Variants in DDAH1 observed in about 807,000 individuals in gnomAD.
DDAH1 encodes the protein dimethylarginine dimethylaminohydrolase 1, also known as N(G),N(G)-dimethylarginine dimethylaminohydrolase 1.
A neutral mutation model predicts 28.8 loss-of-function variants in DDAH1; 19 were observed. The ratio of observed to expected loss-of-function variants is 0.66; its 90% CI spans 0.46 to 0.97. The LOEUF (loss-of-function observed/expected upper bound fraction) is 0.97. DDAH1 is among the 50% of genes least tolerant of loss of function. The probability of loss-of-function intolerance (pLI) is 0.00; values close to 1 mark genes in which losing one functional copy is unlikely to be tolerated. For missense variants in DDAH1, 326 were observed against 375.9 expected, an observed-to-expected ratio of 0.87 and a Z score of 1.10; for synonymous variants, 153 against 154.4, an observed-to-expected ratio of 0.99 and a Z score of 0.07.
chr1:85,479,491 G>C (rs1655929138), intron 2 of DDAH1, among the ~76,000 whole-genome samples: 1 of 152,142 alleles, frequency 6.6e-6, no homozygotes, highest in African/African-American at 2.4e-5. Flanking sequence ...CTTTTATAAA[G>C]ACACCAGAAG....
chr1:85,465,681 CGCGTGTGTGTGTGTTT>C (rs1557663222), upstream of DDAH1, among the ~76,000 whole-genome samples: 1 of 152,132 alleles, frequency 6.6e-6, no homozygotes, highest in East Asian at 1.9e-4. Flanking sequence ...TGTGTGTGTT[CGCGTGTGTGTGTGTTT>C]TCACAAAACA....
intron 1 of DDAH1, among the ~76,000 whole-genome samples, chr1:85,424,579 C>T (rs1354448338): frequency 6.6e-6 from 1 of 152,026 alleles, no homozygotes; most frequent in African/African-American, 2.4e-5. Flanking sequence ...TCCCCCTTAA[C>T]TAGTATCTCC....
intron 4 of DDAH1, among the ~76,000 whole-genome samples, chr1:85,337,456 ATT>A (rs35496019): frequency 2.8e-5 from 4 of 145,006 alleles, no homozygotes; most frequent in Admixed American, 6.9e-5. Context: ...AATAAAACTA[ATT>A]TTTTTTTTTT....
At chr1:85,453,251 T>C (rs1194999853) in intron 1 of DDAH1, among the ~76,000 whole-genome samples, 1 of 152,178 alleles carries the variant, frequency 6.6e-6, no homozygotes, top group Non-Finnish European at 1.5e-5. Flanking sequence ...CTGGACAGTT[T>C]AGAAGCAGTA....
At chr1:85,327,599 G>A (rs1168192213) in intron 4 of DDAH1, among the ~76,000 whole-genome samples, 1 of 152,168 alleles carries the variant, frequency 6.6e-6, no homozygotes, top group East Asian at 1.9e-4. Flanking sequence ...TAATGAGGTG[G>A]ACAGAGCATG....
At chr1:85,337,866 G>C (rs1374079841) in intron 4 of DDAH1, among the ~76,000 whole-genome samples, 1 of 152,160 alleles carries the variant, frequency 6.6e-6, no homozygotes, top group African/African-American at 2.4e-5. Flanking sequence ...CACTCACTCA[G>C]AGCCTGCCTT....
At chr1:85,473,600 A>G (rs1194196682) in intron 2 of DDAH1, among the ~76,000 whole-genome samples, 1 of 151,932 alleles carries the variant, frequency 6.6e-6, no homozygotes, top group African/African-American at 2.4e-5. Flanking sequence ...TCGCAATGCC[A>G]GGGAATCACT....
intron 4 of DDAH1, among the ~76,000 whole-genome samples, chr1:85,329,931 TC>T (rs778321858): frequency 4.6e-5 from 7 of 152,206 alleles, no homozygotes; most frequent in Admixed American, 1.3e-4. Flanking sequence ...AATATGCTTT[TC>T]CCCCTTGAAA....
intron 1 of DDAH1, among the ~76,000 whole-genome samples, chr1:85,416,510 A>G (rs1652894042): frequency 6.6e-6 from 1 of 152,066 alleles, no homozygotes; most frequent in Admixed American, 6.5e-5. Flanking sequence ...ACAGTATTTG[A>G]CTAGTTTGAT....
chr1:85,395,702 G>A (rs1174210322), intron 1 of DDAH1, among the ~76,000 whole-genome samples: 2 of 151,786 alleles, frequency 1.3e-5, no homozygotes, highest in Non-Finnish European at 2.9e-5. Flanking sequence ...AGAAAAAGAA[G>A]TGAAGGTTTG....
At chr1:85,462,979 G>A (rs1655193715) in intron 1 of DDAH1, among the ~76,000 whole-genome samples, 1 of 152,224 alleles carries the variant, frequency 6.6e-6, no homozygotes, top group African/African-American at 2.4e-5. Context: ...ATTTCAGGTA[G>A]ATTAATACAT....
chr1:85,495,308 G>A (rs1440979683), intron 2 of DDAH1: 2 of 152,152 alleles, frequency 1.3e-5, no homozygotes, highest in African/African-American at 4.8e-5. Flanking sequence ...AGCCATCCCT[G>A]TTATTCCAAG....
intron 2 of DDAH1, among the ~76,000 whole-genome samples, chr1:85,486,049 A>T (rs1172323332): frequency 1.3e-5 from 2 of 152,184 alleles, no homozygotes; most frequent in African/African-American, 2.4e-5. Context: ...AAGACATCTA[A>T]CTACAAAGTG....
intron 1 of DDAH1, among the ~76,000 whole-genome samples, chr1:85,503,928 G>C (rs1032042043): frequency 2.6e-5 from 4 of 152,128 alleles, no homozygotes; most frequent in African/African-American, 9.7e-5. Flanking sequence ...GTGAATCACA[G>C]GGGATGCGGT....
intron 1 of DDAH1, among the ~76,000 whole-genome samples, chr1:85,519,210 C>T (rs1166607472): frequency 4.6e-4 from 70 of 150,786 alleles, no homozygotes; most frequent in African/African-American, 1.6e-3. Context: ...TCTCCTGCCT[C>T]AGCCTCCCCA....
chr1:85,428,766 G>A (rs1268637349), intron 1 of DDAH1, among the ~76,000 whole-genome samples: 1 of 152,080 alleles, frequency 6.6e-6, no homozygotes, highest in African/African-American at 2.4e-5. Context: ...AAAGAATGCT[G>A]TGCTTTATTC....
chr1:85,560,116 T>C (rs1659097609), intron 1 of DDAH1, among the ~76,000 whole-genome samples: 1 of 152,080 alleles, frequency 6.6e-6, no homozygotes, highest in African/African-American at 2.4e-5. Context: ...AACAGCAGAC[T>C]TTTTGTCAGA....
chr1:85,536,975 A>ACATACACACAGTGTGTATG (rs1202929872), intron 1 of DDAH1, among the ~76,000 whole-genome samples: 1 of 66,498 alleles, frequency 1.5e-5, no homozygotes, highest in Non-Finnish European at 2.8e-5. Context: ...ATATATATAT[A>ACATACACACAGTGTGTATG]TATATATATA....
rs544840272 is a variant in DDAH1, at chr1:85,338,312, T to G, written c.597+12103A>C. Among the ~76,000 whole-genome samples the G allele has an allele frequency of 2.0e-5, 3 of 152,306 alleles. No individual in the cohort carries two copies. In the East Asian group the frequency reaches 5.8e-4, roughly 29 times the overall value. The stretch of plus-strand genomic sequence containing the variant: ...AATCTTTCATTCTGTAGGCATTTCT[T>G]TCTAAAAAGACAGCATTTTAGAGAA... On this transcript the variant is annotated intron_variant, in intron 4 of 5. Transcript: ENST00000284031.
Sources: allele counts gnomAD v4.1 joint callset (sites outside exome capture counted in the v4.1 genomes callset), GRCh38; gene constraint gnomAD v4.1.1; transcripts MANE v1.5; gene names NCBI Gene and HGNC (gene_info 2026-07-23, HGNC 2026-07-21).